Variants in CDK17 observed in about 807,000 individuals in gnomAD.
CDK17 encodes cyclin dependent kinase 17.
Under a neutral mutation model 77.6 loss-of-function variants are expected in CDK17, and 24 were observed. The ratio of observed to expected loss-of-function variants is 0.31; its 90% CI spans 0.22 to 0.44. The LOEUF (loss-of-function observed/expected upper bound fraction) is 0.44. Among genes scored for constraint, CDK17 ranks in the 20% least tolerant of loss-of-function variants. The probability of loss-of-function intolerance (pLI) is 1.00; values close to 1 mark genes in which losing one functional copy is unlikely to be tolerated. For synonymous variants in CDK17, 203 were observed against 210.4 expected, an observed-to-expected ratio of 0.96 and a Z score of 0.30; for missense variants, 429 against 622.5, an observed-to-expected ratio of 0.69 and a Z score of 3.31.
chr12:96,299,083 G>A (rs1592712148), intron 6 of CDK17, 100 bp from the exon 7 acceptor site: 1 of 599,152 alleles, frequency 1.7e-6, no homozygotes, highest in African/African-American at 1.9e-5. Context: ...TAGTTTCTAA[G>A]CATTGTTAAG....
chr12:96,307,390 T>C (rs572367430), intron 5 of CDK17, among the ~76,000 whole-genome samples: 4 of 152,260 alleles, frequency 2.6e-5, no homozygotes, highest in African/African-American at 9.6e-5. Flanking sequence ...TTTCTTAATA[T>C]CATGTAGACT....
intron 10 of CDK17, among the ~76,000 whole-genome samples, chr12:96,290,244 C>T (rs1952307055): frequency 6.6e-6 from 1 of 152,204 alleles, no homozygotes. Context: ...AACTTTATCT[C>T]TTGAGTCACT....
In CDK17 at chr12:96,280,907, T is replaced by G. The variant is rs746836741; in HGVS notation, c.1457-22A>C. The stretch of plus-strand genomic sequence containing the variant: ...ACACCTAAAATGCATAGACAAAAAT[T>G]ATTAGGTGAAGGTCTAACATTAAAA... On this transcript the variant is annotated intron_variant, in intron 15 of 16. Coordinates refer to ENST00000261211, the MANE Select transcript of CDK17 (RefSeq NM_002595.5). 5 of 1,595,020 alleles carry G rather than the reference T, an allele frequency of 3.1e-6. No homozygotes were observed. The African/African-American group carries it at 6.7e-5, about 21-fold the overall frequency.
intron 1 of CDK17, among the ~76,000 whole-genome samples, chr12:96,350,792 G>T (rs902300339): frequency 6.6e-6 from 1 of 152,032 alleles, no homozygotes; most frequent in Non-Finnish European, 1.5e-5. Flanking sequence ...CCTGATATTG[G>T]ATTTCACAAT....
intron 2 of CDK17, among the ~76,000 whole-genome samples, chr12:96,324,860 C>G (rs1397022653): frequency 2.6e-5 from 4 of 152,006 alleles, no homozygotes; most frequent in African/African-American, 9.7e-5. Flanking sequence ...GCTGGACATT[C>G]AAAATGGTAT....
intron 5 of CDK17, 75 bp from the exon 6 acceptor site, chr12:96,300,435 T>G (rs1311812874): frequency 2.3e-6 from 2 of 887,904 alleles, no homozygotes; most frequent in Non-Finnish European, 3.5e-6. Flanking sequence ...CTCACTCTGT[T>G]GCCCAGGCTG....
intron 1 of CDK17, among the ~76,000 whole-genome samples, chr12:96,381,404 C>T (rs1565844379): frequency 6.6e-6 from 1 of 150,964 alleles, no homozygotes; most frequent in African/African-American, 2.4e-5. Flanking sequence ...AGTGTACAAC[C>T]TAGACAACGG....
chr12:96,341,484 T>A (rs570540190), intron 1 of CDK17, among the ~76,000 whole-genome samples: 36 of 152,208 alleles, frequency 2.4e-4, no homozygotes, highest in Non-Finnish European at 1.5e-5. Context: ...AGCATATAAC[T>A]CTCCATTTAA....
At chr12:96,393,378 A>G (rs1954108024) in intron 1 of CDK17, among the ~76,000 whole-genome samples, 1 of 150,826 alleles carries the variant, frequency 6.6e-6, no homozygotes, top group African/African-American at 2.4e-5. Context: ...AAAAAAAAAA[A>G]AGCTAATTTA....
intron 9 of CDK17, among the ~76,000 whole-genome samples, chr12:96,295,894 G>A (rs969794094): frequency 2.6e-5 from 4 of 152,128 alleles, no homozygotes; most frequent in Non-Finnish European, 5.9e-5. Flanking sequence ...ATTCTCTGGG[G>A]TTAACAAAAA....
intron 1 of CDK17, among the ~76,000 whole-genome samples, chr12:96,345,692 C>T (rs1422013091): frequency 6.6e-6 from 1 of 152,046 alleles, no homozygotes; most frequent in African/African-American, 2.4e-5. Context: ...TTATATACTA[C>T]TAAGTTGGTA....
intron 1 of CDK17, among the ~76,000 whole-genome samples, chr12:96,365,072 T>C (rs999343040): frequency 2.6e-5 from 4 of 152,198 alleles, no homozygotes; most frequent in Non-Finnish European, 5.9e-5. Context: ...TGTACATTTA[T>C]CCATAAAAAT....
intron 1 of CDK17, among the ~76,000 whole-genome samples, chr12:96,357,529 G>A (rs35891480): frequency 0.052 from 7,835 of 152,110 alleles, 267 homozygotes; most frequent in Non-Finnish European, 0.064. Context: ...GAACACTCTC[G>A]GTCGTGAGTG....
rs117619456 is a variant in CDK17 at position 96,391,818 on chromosome 12, C to T, written c.-30+8168G>A. Among the ~76,000 whole-genome samples, 487 of 152,316 alleles carry T rather than the reference C, an allele frequency of 3.2e-3. 3 individuals carry two copies. The highest frequency in any genetic ancestry group is 4.8e-3 in the Non-Finnish European group (329 of 68,022). On this transcript the variant is annotated intron_variant, in intron 1 of 16. Transcript: ENST00000261211. ...TCTCAATAATGCCAAGTTACTGTCC[C>T]TCCAAGTTGGCCTACAAACTGCTCT... is the stretch of plus-strand genomic sequence containing the variant.
chr12:96,374,180 C>G (rs976535955), intron 1 of CDK17, among the ~76,000 whole-genome samples: 1 of 152,134 alleles, frequency 6.6e-6, no homozygotes, highest in Non-Finnish European at 1.5e-5. Flanking sequence ...TGGAGCAACA[C>G]GGCAGCCAAA....
chr12:96,346,229 G>C (rs1180671351), intron 1 of CDK17, among the ~76,000 whole-genome samples: 1 of 151,840 alleles, frequency 6.6e-6, no homozygotes, highest in African/African-American at 2.4e-5. Context: ...GAGGCGGGCA[G>C]ATCACAAGGT....
intron 1 of CDK17, among the ~76,000 whole-genome samples, chr12:96,343,078 T>C (rs1218626044): frequency 1.3e-5 from 2 of 152,230 alleles, no homozygotes; most frequent in Non-Finnish European, 2.9e-5. Context: ...AAGATTTTCC[T>C]CCATTCAAAA....
chr12:96,283,447 GT>G (rs11345627), intron 14 of CDK17, among the ~76,000 whole-genome samples, 155 bp downstream of exon 14: 8,318 of 145,894 alleles, frequency 0.057, 506 homozygotes, highest in African/African-American at 0.15. Flanking sequence ...GAGAAACCAT[GT>G]TTTTTTTTTT....
intron 1 of CDK17, among the ~76,000 whole-genome samples, chr12:96,339,165 A>C (rs1420139138): frequency 6.6e-6 from 1 of 152,206 alleles, no homozygotes; most frequent in Non-Finnish European, 1.5e-5. Flanking sequence ...TAGAAATGTT[A>C]TTACAGAATT....
Sources: gnomAD v4.1 joint callset for allele counts (sites outside exome capture counted in the v4.1 genomes callset) on GRCh38, gnomAD v4.1.1 for gene constraint, MANE v1.5 for transcripts, NCBI Gene and HGNC (gene_info 2026-07-23, HGNC 2026-07-21) for gene names.